PAK5: variants seen among roughly 807,000 people sequenced by gnomAD.
PAK5 encodes the protein p21 (RAC1) activated kinase 5.
Under a neutral mutation model 65.9 loss-of-function variants are expected in PAK5, and 16 were observed. The observed-to-expected ratio is 0.24, with a 90% CI of 0.16 to 0.37. The LOEUF (loss-of-function observed/expected upper bound fraction) is 0.37. Ranked by LOEUF, PAK5 falls within the 10% of genes least tolerant of loss-of-function variation. PAK5 has a pLI of 1.00. For missense variants in PAK5, 785 were observed against 903.9 expected (o/e 0.87, Z 1.69); for synonymous variants, 371 against 354.9 (o/e 1.05, Z -0.51).
intron 2 of PAK5, among the ~76,000 whole-genome samples, chr20:9,696,930 A>G (rs1325982078): frequency 1.3e-5 from 2 of 152,092 alleles, no homozygotes; most frequent in Non-Finnish European, 2.9e-5. Flanking sequence ...ACACCTAGTA[A>G]GTTCTCAATA....
chr20:9,670,479 T>A (rs6118688), intron 2 of PAK5, among the ~76,000 whole-genome samples: 27,638 of 151,894 alleles, frequency 0.18, 2,840 homozygotes, highest in East Asian at 0.39. Flanking sequence ...TGGTGTGAGA[T>A]GGTATTTCAC....
At chr20:9,634,613 C>T (rs1369316190) in intron 3 of PAK5, among the ~76,000 whole-genome samples, 1 of 152,092 alleles carries the variant, frequency 6.6e-6, no homozygotes, top group Non-Finnish European at 1.5e-5. Context: ...AAAAAATAAC[C>T]ACATTAATAT....
intron 3 of PAK5, among the ~76,000 whole-genome samples, chr20:9,610,943 G>T (rs1268088693): frequency 1.3e-5 from 2 of 152,112 alleles, no homozygotes; most frequent in Non-Finnish European, 2.9e-5. Flanking sequence ...GCCCCTTTTG[G>T]CCTTTTTGTC....
At chr20:9,631,389 G>A (rs767045555) in intron 3 of PAK5, among the ~76,000 whole-genome samples, 6 of 152,184 alleles carry the variant, frequency 3.9e-5, no homozygotes, top group Non-Finnish European at 5.9e-5. Flanking sequence ...TCACTTCTGT[G>A]AGTACATTAT....
chr20:9,658,053 A>G (rs1030355493), intron 2 of PAK5, among the ~76,000 whole-genome samples: 3 of 152,236 alleles, frequency 2.0e-5, no homozygotes, highest in Non-Finnish European at 2.9e-5. Flanking sequence ...TAAGTCTTTT[A>G]GCGAAGTAGG....
chr20:9,608,928 C>T (rs554775174), intron 3 of PAK5, among the ~76,000 whole-genome samples: 1 of 152,260 alleles, frequency 6.6e-6, no homozygotes, highest in East Asian at 1.9e-4. Flanking sequence ...AAAAGGAAAA[C>T]CTTAGAAATG....
chr20:9,684,300 T>C (rs548861951), intron 2 of PAK5, among the ~76,000 whole-genome samples: 2 of 152,218 alleles, frequency 1.3e-5, no homozygotes, highest in Admixed American at 6.5e-5. Flanking sequence ...CTAAGGATTA[T>C]GGTTCCAGGA....
chr20:9,555,593 T>C (rs1217321499), intron 7 of PAK5, among the ~76,000 whole-genome samples: 3 of 152,282 alleles, frequency 2.0e-5, no homozygotes, highest in South Asian at 4.1e-4. Context: ...CCAGGGAGGA[T>C]TCTTGACCTT....
At chr20:9,706,704 C>A (rs544908069) in intron 2 of PAK5, among the ~76,000 whole-genome samples, 1 of 150,318 alleles carries the variant, frequency 6.7e-6, no homozygotes, top group Non-Finnish European at 1.5e-5. Context: ...GATGGGGTTT[C>A]GCCATGTTGC....
chr20:9,593,442 TTTTA>T (rs980687899), intron 3 of PAK5, among the ~76,000 whole-genome samples: 9 of 152,134 alleles, frequency 5.9e-5, no homozygotes, highest in Non-Finnish European at 1.2e-4. Flanking sequence ...GTGCTTTCCT[TTTTA>T]TTTATTTATT....
intron 3 of PAK5, among the ~76,000 whole-genome samples, chr20:9,640,637 T>C (rs2047044215): frequency 6.6e-6 from 1 of 152,218 alleles, no homozygotes; most frequent in Admixed American, 6.5e-5. Flanking sequence ...CGGTGAGTGT[T>C]ACAGCTCTTA....
chr20:9,701,725 A>G (rs1043144666), intron 2 of PAK5, among the ~76,000 whole-genome samples: 3 of 152,096 alleles, frequency 2.0e-5, no homozygotes, highest in African/African-American at 4.8e-5. Context: ...ATGGCCTGGT[A>G]TGGTAGCTCA....
chr20:9,627,636 T>A (rs1449740405), intron 3 of PAK5, among the ~76,000 whole-genome samples: 5 of 149,328 alleles, frequency 3.3e-5, no homozygotes, highest in Non-Finnish European at 6.0e-5. Context: ...TTTTCTTTTC[T>A]TTTTTTTTTA....
chr20:9,823,356 G>C lies in PAK5; in HGVS notation c.-162+15406C>G, dbSNP rs530804573. The stretch of plus-strand genomic sequence containing the variant: ...TTTGTTATAGCAGCAGGAATGGACT[G>C]ACAGTTTCTGATATGGTTTGGCTGT... On this transcript the variant is annotated intron_variant, in intron 1 of 9. Transcript: ENST00000353224. Among the ~76,000 whole-genome samples the C allele has an allele frequency of 1.2e-4, 18 of 152,280 alleles. No homozygotes were observed. In the South Asian group the frequency reaches 3.7e-3, roughly 32 times the overall value.
At chr20:9,607,773 A>C (rs6140984) in intron 3 of PAK5, among the ~76,000 whole-genome samples, 21,940 of 152,012 alleles carry the variant, frequency 0.14, 2,013 homozygotes, top group African/African-American at 0.24. Context: ...CTACAGTGAG[A>C]TATGATCTTC....
At chr20:9,631,920 T>G (rs1455824008) in intron 3 of PAK5, among the ~76,000 whole-genome samples, 1 of 152,174 alleles carries the variant, frequency 6.6e-6, no homozygotes, top group East Asian at 1.9e-4. Flanking sequence ...CCACTTAAAA[T>G]TACACAATAA....
At chr20:9,616,653 A>T (rs1172048822) in intron 3 of PAK5, among the ~76,000 whole-genome samples, 2 of 152,106 alleles carry the variant, frequency 1.3e-5, no homozygotes, top group Non-Finnish European at 2.9e-5. Context: ...GCACTGTGGG[A>T]TGTGGGGCTC....
At chr20:9,540,258 TAA>T (rs1199359490) in intron 9 of PAK5, among the ~76,000 whole-genome samples, 1 of 152,130 alleles carries the variant, frequency 6.6e-6, no homozygotes, top group Admixed American at 6.5e-5. Flanking sequence ...GCACAAATAC[TAA>T]GAGTGTGGCT....
At chr20:9,785,103 T>C (rs1301143300) in intron 1 of PAK5, among the ~76,000 whole-genome samples, 1 of 152,120 alleles carries the variant, frequency 6.6e-6, no homozygotes, top group Non-Finnish European at 1.5e-5. Flanking sequence ...GTTAAAACTT[T>C]AATCAAATAT....
Sources: gnomAD v4.1 joint callset for allele counts (sites outside exome capture counted in the v4.1 genomes callset) on GRCh38, gnomAD v4.1.1 for gene constraint, MANE v1.5 for transcripts, NCBI Gene and HGNC (gene_info 2026-07-23, HGNC 2026-07-21) for gene names.